GOSR1: variants seen among roughly 807,000 people sequenced by gnomAD.
GOSR1 encodes the protein golgi SNAP receptor complex member 1.
In GOSR1, 21 loss-of-function variants were observed where a neutral mutation model predicts 35.5. The observed-to-expected ratio is 0.59, with a 90% confidence interval of 0.42 to 0.85. GOSR1 has a LOEUF of 0.85. Ranked by LOEUF, GOSR1 falls within the 40% of genes least tolerant of loss-of-function variation. The pLI is 0.00. For synonymous variants in GOSR1, 94 were observed against 106.6 expected (o/e 0.88, Z 0.73); for missense variants, 285 against 309.6 (o/e 0.92, Z 0.60).
At chr17:30,490,283 G>T (rs535919779) in intron 5 of GOSR1, 66 bp downstream of exon 5, 13 of 767,002 alleles carry the variant, frequency 1.7e-5, no homozygotes, top group African/African-American at 3.5e-5. Context: ...TATGTTCACG[G>T]TTAATTGCAA....
chr17:30,519,666 T>G, intron 7 of GOSR1: 1 of 277,514 alleles, frequency 3.6e-6, no homozygotes, highest in Admixed American at 5.2e-5. Context: ...ATATGTGATT[T>G]GTCTGTTTAT....
chr17:30,505,919 G>C (rs972830608), intron 6 of GOSR1, among the ~76,000 whole-genome samples: 11 of 152,196 alleles, frequency 7.2e-5, no homozygotes, highest in African/African-American at 2.6e-4. Flanking sequence ...GTATAGACAA[G>C]GTCTCATTAT....
chr17:30,519,319 G>A lies in GOSR1; in HGVS notation c.540-620G>A, dbSNP rs9894967. On this transcript the variant is annotated intron_variant, in intron 7 of 8. Transcript: ENST00000451249. ...CCTCCCACCTCGGTCTTCCAAATTC[G>A]GTGCTGGGATTACAGACGTGAGCCA... Among the ~76,000 whole-genome samples the A allele has an allele frequency of 4.6e-3, 699 of 152,196 alleles. 8 individuals are homozygous for A. Among genetic ancestry groups the A allele is most frequent in the African/African-American group, 0.016 (666 of 41,512 alleles).
chr17:30,501,987 A>G (rs1967226441), intron 6 of GOSR1, among the ~76,000 whole-genome samples: 1 of 152,238 alleles, frequency 6.6e-6, no homozygotes, highest in Non-Finnish European at 1.5e-5. Flanking sequence ...GAATGGATAA[A>G]CAAATGGTGG....
rs573750199 is a variant in GOSR1, at chr17:30,503,208, A to G, written c.510-7672A>G. ...TTTTGTTGGTTTATATTGCTTTAAAATACATGCTTGAAATCACATGTTTGC... is the reference window on the plus strand; with the variant it reads ...TTTTGTTGGTTTATATTGCTTTAAAGTACATGCTTGAAATCACATGTTTGC... On this transcript the variant is annotated intron_variant, in intron 6 of 8. Coordinates refer to ENST00000451249, the MANE Select transcript of GOSR1 (RefSeq NM_001007025.2). Among the ~76,000 whole-genome samples, 7 of 152,372 alleles carry G rather than the reference A, an allele frequency of 4.6e-5. No homozygotes were observed. The South Asian group carries it at 1.4e-3, about 32-fold the overall frequency.
rs559696942 is a variant in GOSR1, at chr17:30,519,994, A to C, written c.595A>C (p.Ile199Leu). 7 of 1,609,136 alleles carry C rather than the reference A, an allele frequency of 4.4e-6. No homozygotes were observed. Among genetic ancestry groups the C allele is most frequent in the Non-Finnish European group, 6.0e-6 (7 of 1,175,676 alleles). Residue 199 changes from isoleucine (I) to leucine (L), a missense_variant, in exon 8 of 9, where the codon ATT (isoleucine) becomes CTT (leucine). Ile to Leu is a conservative substitution (Grantham distance 5). Around this residue, in one of 3 missense-constraint regions of GOSR1, gnomAD observed 168 missense variants for 183.2 expected, o/e 0.92. Coordinates refer to ENST00000451249, the MANE Select transcript of GOSR1 (RefSeq NM_001007025.2). ...TTCACAGAGAGGAATGTTGAAGTCA[A>C]TTCACAGCAAAATGAACACTTTGGC... is the stretch of plus-strand genomic sequence containing the variant. The part of the protein sequence containing the change: ...MTSQRGMLKS[I>L]HSKMNTLANR...
chr17:30,519,299 C>T (rs2143922197), intron 7 of GOSR1, among the ~76,000 whole-genome samples: 1 of 152,260 alleles, frequency 6.6e-6, no homozygotes, highest in Admixed American at 6.5e-5. Context: ...GTGATCCTCC[C>T]ACCTCGGTCT....
In GOSR1 at chr17:30,524,192, GA is replaced by G. The variant is rs1418640735; in HGVS notation, c.*1817del. On this transcript the variant is annotated 3_prime_UTR_variant, in exon 9 of 9. Coordinates refer to ENST00000451249, the MANE Select transcript of GOSR1 (RefSeq NM_001007025.2). ...GACCCTGCCAAATCCCCCTCTGCGA[GA>G]AACACCCAAGAATGATCAATTAAAA... 1 of 153,452 alleles carries G rather than the reference GA, an allele frequency of 6.5e-6. No homozygotes were observed. Among genetic ancestry groups the G allele is most frequent in the African/African-American group, 2.4e-5 (1 of 41,250 alleles). 9.5% of individuals were successfully genotyped at this position (153,452 alleles called of 1,614,324 possible).
At chr17:30,479,294 G>A (rs1722750351) in intron 1 of GOSR1, 1 of 152,196 alleles carries the variant, frequency 6.6e-6, no homozygotes, top group Non-Finnish European at 1.5e-5. Context: ...CACCATGAAT[G>A]AGAATACTCG....
intron 7 of GOSR1, among the ~76,000 whole-genome samples, chr17:30,514,833 C>T (rs1014996869): frequency 6.6e-6 from 1 of 152,150 alleles, no homozygotes; most frequent in Non-Finnish European, 1.5e-5. Flanking sequence ...CTGAATTTCT[C>T]CTTCCAATTC....
intron 6 of GOSR1, among the ~76,000 whole-genome samples, chr17:30,506,794 C>T (rs1251989611): frequency 6.6e-6 from 1 of 152,204 alleles, no homozygotes; most frequent in Non-Finnish European, 1.5e-5. Context: ...AGCTGACTGT[C>T]TTTTTAGGTG....
chr17:30,503,869 T>A (rs1967303662), intron 6 of GOSR1, among the ~76,000 whole-genome samples: 1 of 152,214 alleles, frequency 6.6e-6, no homozygotes, highest in Non-Finnish European at 1.5e-5. Context: ...TCCTGCGTAC[T>A]CATGTATATT....
intron 8 of GOSR1, 89 bp from the exon 9 acceptor site, chr17:30,522,165 G>T: frequency 9.7e-7 from 1 of 1,026,944 alleles, no homozygotes. Flanking sequence ...ACTGTTTCTA[G>T]ACACCACTGA....
chr17:30,484,928 T>G (rs118191118), intron 4 of GOSR1, 158 bp downstream of exon 4: 22,629 of 663,418 alleles, frequency 0.034, 501 homozygotes, highest in Middle Eastern at 0.057. Context: ...TACTTTTTTT[T>G]GGGGTCACCA....
intron 1 of GOSR1, chr17:30,478,721 T>C (rs915476010): frequency 5.9e-5 from 9 of 152,228 alleles, no homozygotes; most frequent in African/African-American, 2.2e-4. Flanking sequence ...CACGCCTGGC[T>C]AATTTTTGTA....
At chr17:30,489,070 G>C (rs1914863429) in intron 4 of GOSR1, among the ~76,000 whole-genome samples, 1 of 152,136 alleles carries the variant, frequency 6.6e-6, no homozygotes, top group Non-Finnish European at 1.5e-5. Context: ...AGAAATAATA[G>C]ATAAGCTTGT....
At chr17:30,493,194 G>A (rs1397032686) in intron 6 of GOSR1, among the ~76,000 whole-genome samples, 15 of 151,818 alleles carry the variant, frequency 9.9e-5, no homozygotes, top group Admixed American at 8.5e-4. Flanking sequence ...ATGGAGTTTC[G>A]CCATGTAGCC....
At position 30,510,887 on chromosome 17, in the gene GOSR1, C is replaced by T. The variant is rs771601377; in HGVS notation, c.517C>T (p.Arg173Cys). Residue 173 changes from arginine (R) to cysteine (C), a missense_variant, in exon 7 of 9, where the codon CGT (arginine) becomes TGT (cysteine). Physicochemically the swap from Arg to Cys is radical, Grantham distance 180 (BLOSUM62 -3). This residue lies in a region of GOSR1 where 168 missense variants were observed against 183.2 expected (regional missense o/e 0.92). Coordinates refer to ENST00000451249, the MANE Select transcript of GOSR1 (RefSeq NM_001007025.2). Reference protein sequence around the residue: ...KEHDHLRNSDRLIEETISIAM... With the variant: ...KEHDHLRNSDCLIEETISIAM... The stretch of plus-strand genomic sequence containing the variant: ...TTTTCTTTTTATTTGCAGCTCAGAT[C>T]GTCTGATAGAAGAGACAATAAGGTA... The T allele has an allele frequency of 4.6e-6, 7 of 1,534,648 alleles. No homozygotes were observed. The highest frequency in any genetic ancestry group is 3.4e-5 in the Admixed American group (2 of 58,524).
intron 7 of GOSR1, among the ~76,000 whole-genome samples, chr17:30,514,817 G>A (rs73279550): frequency 0.058 from 8,830 of 152,166 alleles, 804 homozygotes; most frequent in African/African-American, 0.19. Context: ...CATTCTGGGA[G>A]ATTTACTGAA....
Sources: gnomAD v4.1 joint callset for allele counts (sites outside exome capture counted in the v4.1 genomes callset) on GRCh38, gnomAD v4.1.1 for gene constraint, gnomAD v4.1.1 regional missense constraint, MANE v1.5 for transcripts, NCBI Gene and HGNC (gene_info 2026-07-23, HGNC 2026-07-21) for gene names.